COL9A2: variants seen among roughly 807,000 people sequenced by gnomAD.
The protein encoded by COL9A2 is collagen type IX alpha 2 chain, also known as collagen alpha-2(IX) chain.
Under a neutral mutation model 111.6 loss-of-function variants are expected in COL9A2, and 66 were observed. That is an observed-to-expected ratio of 0.59 (90% CI 0.48 to 0.73). The LOEUF (loss-of-function observed/expected upper bound fraction) is 0.73, where lower values mean the gene tolerates loss of function less well. Among genes scored for constraint, COL9A2 ranks in the 30% least tolerant of loss-of-function variants. COL9A2 has a pLI of 0.00. For synonymous variants in COL9A2, 353 were observed against 364.1 expected (o/e 0.97, Z 0.35); for missense variants, 881 against 954.1 (o/e 0.92, Z 1.01).
rs761059218 is a variant in COL9A2, at chr1:40,311,253, G to A, written c.553C>T (p.Pro185Ser). 5.0e-6 allele frequency: 8 copies of A among 1,614,064 alleles called. No homozygotes were observed. Among genetic ancestry groups the A allele is most frequent in the Non-Finnish European group, 6.8e-6 (8 of 1,180,032 alleles). ...ACCTTCACTCCCTGCAGCCCTGGGG[G>A]ACCTTTCATTCCGGGTGGACAGTTG... is the stretch of plus-strand genomic sequence containing the variant. ...PTNCPPGMKGPPGLQGVKGHA... is the reference protein window; with the variant it reads ...PTNCPPGMKGSPGLQGVKGHA... Residue 185 changes from proline (P) to serine (S), a missense_variant, in exon 11 of 32, where the codon CCC (proline) becomes TCC (serine). Transcript: ENST00000372748. The surrounding 1 kb of genome is among the most constrained non-coding windows in gnomAD (Gnocchi z 5.1).
At position 40,301,343 on chromosome 1, in the gene COL9A2, C is replaced by T; in HGVS notation, c.1909G>A (p.Asp637Asn). 6.2e-7 allele frequency: 1 copy of T among 1,609,594 alleles called. No homozygotes were observed. Among genetic ancestry groups the T allele is most frequent in the Non-Finnish European group, 8.5e-7 (1 of 1,177,008 alleles). Residue 637 changes from aspartate to asparagine, a missense_variant, in exon 32 of 32, where the codon GAT becomes AAT. Asp to Asn is a conservative substitution (Grantham distance 23). Transcript: ENST00000372748. ...GRPGQAINGKDGDRGSPGAPG... is the reference protein window; with the variant it reads ...GRPGQAINGKNGDRGSPGAPG... ...GCCCCTGGGGACCCTCGATCTCCAT[C>T]CTTGCCGTTGATTGCCTGGCCAGGC...
chr1:40,304,455 C>T (rs1643991312), intron 23 of COL9A2, 21 bp downstream of exon 23: 2 of 1,614,118 alleles, frequency 1.2e-6, no homozygotes, highest in Non-Finnish European at 1.7e-6. Flanking sequence ...GCCCTGCCCA[C>T]CTTAGCTGGC....
At position 40,305,730 on chromosome 1, in the gene COL9A2, A is replaced by G; in HGVS notation, c.1092T>C (p.Gly364=). Residue 364 remains glycine, a synonymous_variant, in exon 21 of 32, where the codon GGT becomes GGC. Coordinates refer to ENST00000372748, the MANE Select transcript of COL9A2 (RefSeq NM_001852.4). Reference sequence around the variant, plus strand: ...GGGCATTTACCTCTTTCCCAGGGGGACCAGAGAATCCAGGAAGGCCCTGCG... The same window carrying G: ...GGGCATTTACCTCTTTCCCAGGGGGGCCAGAGAATCCAGGAAGGCCCTGCG... The part of the protein sequence containing the change: ...PGPQGLPGFS[G]PPGKEGEPGP... The G allele has an allele frequency of 6.2e-7, 1 of 1,613,944 alleles. No individual in the cohort carries two copies. Among genetic ancestry groups the G allele is most frequent in the Non-Finnish European group, 8.5e-7 (1 of 1,179,958 alleles).
At position 40,304,364 on chromosome 1, in the gene COL9A2, CG is replaced by C. The variant is rs756694568; in HGVS notation, c.1242del (p.Gly415GlufsTer116). 4.7e-5 allele frequency: 74 copies of C among 1,582,784 alleles called. No homozygotes were observed. Among genetic ancestry groups the C allele is most frequent in the Non-Finnish European group, 5.6e-5 (65 of 1,163,764 alleles). On this transcript the variant is annotated frameshift_variant, in exon 24 of 32. Transcript: ENST00000372748. LOFTEE classifies it high-confidence loss of function. ...GGCAAGCCTTGGGGCCCTGGAATTC[CG>C]GGGGGGCCCTGCTCCCCCTTAGGGC... ...RQGPKGEQGP[P>X]GIPGPQGLPG...
Position 40,307,729 on chromosome 1 carries a change from C to G in COL9A2, c.928G>C (p.Gly310Arg). The part of the protein sequence containing the change: ...TGPPGINGKD[G>R]TPGTPGMKGS... ...TTCATGCCAGGCGTGCCTGGGGTCCCATCCTTGCCGTTGATGCCTGGGGGG... is the reference window on the plus strand; with the variant it reads ...TTCATGCCAGGCGTGCCTGGGGTCCGATCCTTGCCGTTGATGCCTGGGGGG... The change falls in exon 18 of 32, where the codon GGG (glycine) becomes CGG (arginine). Residue 310 changes from glycine to arginine, a missense_variant. Transcript: ENST00000372748. This position sits in a 1 kb window ranked among gnomAD's most constrained non-coding sequence, Gnocchi z 4.8. 1 of 1,614,152 alleles carries G rather than the reference C, an allele frequency of 6.2e-7. No homozygotes were observed. Among genetic ancestry groups the G allele is most frequent in the Non-Finnish European group, 8.5e-7 (1 of 1,180,018 alleles).
Position 40,310,425 on chromosome 1 carries a change from G to T in COL9A2, c.685-108C>A. On this transcript the variant is annotated intron_variant, in intron 13 of 31. Transcript: ENST00000372748. The surrounding 1 kb of genome is among the most constrained non-coding windows in gnomAD (Gnocchi z 4.9). Reference sequence around the variant, plus strand: ...CAGTGCCCTTTTGAGGTAGGCAGCAGAGTCTCTGTCTCATGGATGGGACAT... The same window carrying T: ...CAGTGCCCTTTTGAGGTAGGCAGCATAGTCTCTGTCTCATGGATGGGACAT... 1 of 1,154,786 alleles carries T rather than the reference G, an allele frequency of 8.7e-7. No homozygotes were observed. Among genetic ancestry groups the T allele is most frequent in the Non-Finnish European group, 1.3e-6 (1 of 775,530 alleles). The allele number at this position is 1,154,786 out of a possible 1,614,324, so 71.5% of individuals were successfully genotyped here. A position where few individuals can be genotyped will look rare whatever the true frequency, so the allele number is the denominator to read the frequency against.
At position 40,311,106 on chromosome 1, in the gene COL9A2, T is replaced by C; in HGVS notation, c.617A>G (p.His206Arg). The stretch of plus-strand genomic sequence containing the variant: ...CCTTGCACTCACCGGCTTCCCCTGG[T>C]GGCCAGGATCACCCAGAATCCCGCG... The part of the protein sequence containing the change: ...GKRGILGDPG[H>R]QGKPGPKGDV... Residue 206 changes from histidine (H) to arginine (R), a missense_variant, in exon 12 of 32, where the codon CAC (histidine) becomes CGC (arginine). Physicochemically the swap from His to Arg is conservative, Grantham distance 29. Coordinates refer to ENST00000372748, the MANE Select transcript of COL9A2 (RefSeq NM_001852.4). This position sits in a 1 kb window ranked among gnomAD's most constrained non-coding sequence, Gnocchi z 5.1. The C allele has an allele frequency of 6.2e-7, 1 of 1,614,110 alleles. No homozygotes were observed. The highest frequency in any genetic ancestry group is 2.2e-5 in the East Asian group (1 of 44,874).
At chr1:40,301,748 G>A in intron 31 of COL9A2, 64 bp downstream of exon 31, 2 of 1,501,046 alleles carry the variant, frequency 1.3e-6, no homozygotes, top group Non-Finnish European at 1.9e-6. Context: ...AGACCGCAGT[G>A]TCCACACGTC....
Position 40,310,679 on chromosome 1 carries a change from G to A in COL9A2, c.684+35C>T, listed in dbSNP as rs1485634314. 1 of 1,552,474 alleles carries A rather than the reference G, an allele frequency of 6.4e-7. No homozygotes were observed. Among genetic ancestry groups the A allele is most frequent in the Non-Finnish European group, 8.7e-7 (1 of 1,143,382 alleles). ...CTCCATGAAGGGCTCCTGGGGTGAG[G>A]GAGAAGAGGGCCACTGAGGCAAGGT... On this transcript the variant is annotated intron_variant, in intron 13 of 31. Transcript: ENST00000372748. This position sits in a 1 kb window ranked among gnomAD's most constrained non-coding sequence, Gnocchi z 4.9.
rs766176355 is a variant in COL9A2 at position 40,307,666 on chromosome 1, G to A, written c.954+37C>T. On this transcript the variant is annotated intron_variant, in intron 18 of 31. Transcript: ENST00000372748. This position sits in a 1 kb window ranked among gnomAD's most constrained non-coding sequence, Gnocchi z 4.8. ...TCTAGAATCCAGGACTCAAGGTCCT[G>A]CCCCTGCCCCAGTCCCATCAGCAGC... 6.2e-7 allele frequency: 1 copy of A among 1,612,146 alleles called. No individual in the cohort carries two copies. Among genetic ancestry groups the A allele is most frequent in the Admixed American group, 1.7e-5 (1 of 59,930 alleles).
rs1030052993 is a variant in COL9A2, at chr1:40,310,333, A to C, written c.685-16T>G. The C allele has an allele frequency of 1.9e-6, 3 of 1,613,616 alleles. No homozygotes were observed. In the African/African-American group the frequency reaches 4.0e-5, roughly 22 times the overall value. Reference sequence around the variant, plus strand: ...CCTGGGGACCCTGTTGAGAAAGAAAAATGACAGCAATGGCAATTGCAAGGC... The same window carrying C: ...CCTGGGGACCCTGTTGAGAAAGAAACATGACAGCAATGGCAATTGCAAGGC... On this transcript the variant is annotated splice_polypyrimidine_tract_variant and intron_variant, in intron 13 of 31. Transcript: ENST00000372748. This position sits in a 1 kb window ranked among gnomAD's most constrained non-coding sequence, Gnocchi z 4.9.
Position 40,317,155 on chromosome 1 carries a change from G to A in COL9A2, c.43C>T (p.Leu15Phe), listed in dbSNP as rs767890705. 3 of 1,588,684 alleles carry A rather than the reference G, an allele frequency of 1.9e-6. No homozygotes were observed. The highest frequency in any genetic ancestry group is 1.1e-5 in the South Asian group (1 of 87,084). The change falls in exon 1 of 32, where the codon CTC becomes TTC. Residue 15 changes from leucine (L) to phenylalanine (F), a missense_variant. Physicochemically the swap from Leu to Phe is conservative, Grantham distance 22. Coordinates refer to ENST00000372748, the MANE Select transcript of COL9A2 (RefSeq NM_001852.4). This position sits in a 1 kb window ranked among gnomAD's most constrained non-coding sequence, Gnocchi z 4.3. ...TASPRSLLVL[L>F]QVVVLALAQI... ...GCCAGAGCGAGCACTACCACCTGGA[G>A]GAGAACAAGGAGGCTGCGGGGGGAG...
chr1:40,307,603 G>C lies in COL9A2; in HGVS notation c.954+100C>G. 1 of 1,584,138 alleles carries C rather than the reference G, an allele frequency of 6.3e-7. No individual in the cohort carries two copies. The highest frequency in any genetic ancestry group is 8.6e-7 in the Non-Finnish European group (1 of 1,157,158). ...GAAACTGAGATCCAGAGGCAAGAAAGGGCATGTCCATGACCTGAGGACCCC... is the reference window on the plus strand; with the variant it reads ...GAAACTGAGATCCAGAGGCAAGAAACGGCATGTCCATGACCTGAGGACCCC... On this transcript the variant is annotated intron_variant, in intron 18 of 31. Transcript: ENST00000372748. This position sits in a 1 kb window ranked among gnomAD's most constrained non-coding sequence, Gnocchi z 4.8.
chr1:40,303,292 G>T lies in COL9A2; in HGVS notation c.1549-107C>A. On this transcript the variant is annotated intron_variant, in intron 28 of 31. Coordinates refer to ENST00000372748, the MANE Select transcript of COL9A2 (RefSeq NM_001852.4). This position sits in a 1 kb window ranked among gnomAD's most constrained non-coding sequence, Gnocchi z 4.6. ...GCCATGGAGGAGACTCTGGTGTTGA[G>T]TCATTAATTCCCAAGCTGAGGAACA... 8.0e-7 allele frequency: 1 copy of T among 1,247,336 alleles called. No individual in the cohort carries two copies. The highest frequency in any genetic ancestry group is 1.1e-6 in the Non-Finnish European group (1 of 874,192). The allele number at this position is 1,247,336 out of a possible 1,614,324, so 77.3% of individuals were successfully genotyped here.
At position 40,314,693 on chromosome 1, in the gene COL9A2, G is replaced by T. The variant is rs533101926; in HGVS notation, c.151-306C>A. 2.1e-3 allele frequency among the ~76,000 whole-genome samples: 313 copies of T among 152,308 alleles called. 5 individuals carry two copies. The South Asian group carries it at 0.037, about 18-fold the overall frequency. On this transcript the variant is annotated intron_variant, in intron 2 of 31. Coordinates refer to ENST00000372748, the MANE Select transcript of COL9A2 (RefSeq NM_001852.4). This position sits in a 1 kb window ranked among gnomAD's most constrained non-coding sequence, Gnocchi z 4.1. Reference sequence around the variant, plus strand: ...GTGAGACCCACTACCAGGGCTGGGGGCTCCAAGCTGATGCCTCTTGGATTT... The same window carrying T: ...GTGAGACCCACTACCAGGGCTGGGGTCTCCAAGCTGATGCCTCTTGGATTT...
chr1:40,304,176 C>A, intron 24 of COL9A2, 77 bp from the exon 25 acceptor site: 1 of 1,516,152 alleles, frequency 6.6e-7, no homozygotes, highest in Non-Finnish European at 8.8e-7. Context: ...CGGCCACACC[C>A]CTCTTTCCAA....
Position 40,303,289 on chromosome 1 carries a change from T to C in COL9A2, c.1549-104A>G, listed in dbSNP as rs1643945145. The C allele has an allele frequency of 7.9e-7, 1 of 1,261,976 alleles. No homozygotes were observed. The highest frequency in any genetic ancestry group is 1.1e-6 in the Non-Finnish European group (1 of 886,836). The allele number at this position is 1,261,976 out of a possible 1,614,324, so 78.2% of individuals were successfully genotyped here. On this transcript the variant is annotated intron_variant, in intron 28 of 31. Transcript: ENST00000372748. The surrounding 1 kb of genome is among the most constrained non-coding windows in gnomAD (Gnocchi z 4.6). The stretch of plus-strand genomic sequence containing the variant: ...GCCGCCATGGAGGAGACTCTGGTGT[T>C]GAGTCATTAATTCCCAAGCTGAGGA...
Position 40,311,915 on chromosome 1 carries a change from C to A in COL9A2, c.417+144G>T. 9.7e-7 allele frequency: 1 copy of A among 1,034,168 alleles called. No homozygotes were observed. 64.1% of individuals were successfully genotyped at this position (1,034,168 alleles called of 1,614,324 possible). A position where few individuals can be genotyped will look rare whatever the true frequency, so the allele number is the denominator to read the frequency against. ...CCTAAAAGACCTAGTGCCGGGTGGG[C>A]TCATAGGAGGGGTTTCTGCCCCAGA... On this transcript the variant is annotated intron_variant, in intron 8 of 31. Transcript: ENST00000372748. This position sits in a 1 kb window ranked among gnomAD's most constrained non-coding sequence, Gnocchi z 5.1.
At chr1:40,305,590 G>A in intron 21 of COL9A2, 125 bp downstream of exon 21, 1 of 890,584 alleles carries the variant, frequency 1.1e-6, no homozygotes, top group Non-Finnish European at 1.9e-6. Context: ...GGAGGAGAAA[G>A]AGCTTCCCTG....
Sources: allele counts gnomAD v4.1 joint callset (sites outside exome capture counted in the v4.1 genomes callset), GRCh38; gene constraint gnomAD v4.1.1; non-coding constraint Gnocchi (gnomAD v3.1); transcripts MANE v1.5; gene names NCBI Gene and HGNC (gene_info 2026-07-23, HGNC 2026-07-21).